VAV3: variants seen among roughly 807,000 people sequenced by gnomAD.
VAV3 encodes vav guanine nucleotide exchange factor 3.
VAV3 carries 94 observed loss-of-function variants against 131.2 expected under a neutral mutation model. That is an observed-to-expected ratio of 0.72 (90% CI 0.61 to 0.85). The LOEUF (loss-of-function observed/expected upper bound fraction) is 0.85. Among genes scored for constraint, VAV3 ranks in the 40% least tolerant of loss-of-function variants. VAV3 has a pLI of 0.00. For synonymous variants in VAV3, 349 were observed against 342.0 expected, an observed-to-expected ratio of 1.02 and a Z score of -0.22; for missense variants, 939 against 1,002.7, an observed-to-expected ratio of 0.94 and a Z score of 0.86.
chr1:107,821,110 T>A (rs1667774581), intron 2 of VAV3, among the ~76,000 whole-genome samples: 1 of 152,212 alleles, frequency 6.6e-6, no homozygotes, highest in Non-Finnish European at 1.5e-5. Context: ...TATAGAAACA[T>A]TACTAATCTT....
chr1:107,953,973 C>A (rs1674678492), intron 1 of VAV3, among the ~76,000 whole-genome samples: 2 of 152,168 alleles, frequency 1.3e-5, no homozygotes, highest in Non-Finnish European at 2.9e-5. Flanking sequence ...AAAGCACATT[C>A]AGACAGCAGC....
intron 19 of VAV3, among the ~76,000 whole-genome samples, chr1:107,643,087 T>C (rs1244638181): frequency 6.6e-6 from 1 of 152,150 alleles, no homozygotes. Context: ...AAAGAATCAA[T>C]TTTTTCATCA....
At chr1:107,841,333 T>C (rs1221192050) in intron 2 of VAV3, among the ~76,000 whole-genome samples, 1 of 152,108 alleles carries the variant, frequency 6.6e-6, no homozygotes, top group Non-Finnish European at 1.5e-5. Context: ...ATAAATGGTA[T>C]ATCAGCTGTA....
rs1411844531 is a variant in VAV3, at chr1:107,690,564, T to C, written c.1706-2158A>G. ...TGGGAACAAACTAGACTTAGCTGTC[T>C]ACCTTACTTAGCTATCCCTCCTTTA... is the stretch of plus-strand genomic sequence containing the variant. On this transcript the variant is annotated intron_variant, in intron 17 of 26. Coordinates refer to ENST00000370056, the MANE Select transcript of VAV3 (RefSeq NM_006113.5). 5.3e-5 allele frequency among the ~76,000 whole-genome samples: 8 copies of C among 152,292 alleles called. No individual in the cohort carries two copies. In the East Asian group the frequency reaches 1.5e-3, roughly 29 times the overall value.
intron 2 of VAV3, among the ~76,000 whole-genome samples, chr1:107,801,297 C>T (rs1666817295): frequency 6.6e-6 from 1 of 152,062 alleles, no homozygotes; most frequent in African/African-American, 2.4e-5. Flanking sequence ...TATTCAAGGT[C>T]ATTTGGGGTT....
chr1:107,914,127 T>C (rs1290904584), intron 1 of VAV3, among the ~76,000 whole-genome samples: 1 of 152,182 alleles, frequency 6.6e-6, no homozygotes, highest in Non-Finnish European at 1.5e-5. Context: ...ATTGTTTATA[T>C]ACAAACATAC....
chr1:107,887,732 C>A (rs1671105636), intron 1 of VAV3, among the ~76,000 whole-genome samples: 1 of 152,104 alleles, frequency 6.6e-6, no homozygotes, highest in African/African-American at 2.4e-5. Flanking sequence ...CACTACGATA[C>A]CCCAACCCAT....
At chr1:107,807,813 C>A (rs1432093606) in intron 2 of VAV3, among the ~76,000 whole-genome samples, 1 of 152,110 alleles carries the variant, frequency 6.6e-6, no homozygotes, top group Non-Finnish European at 1.5e-5. Context: ...CTTGTTAGAT[C>A]TTTTTTCCTA....
intron 2 of VAV3, among the ~76,000 whole-genome samples, chr1:107,783,179 C>T (rs989187812): frequency 1.3e-5 from 2 of 152,150 alleles, no homozygotes; most frequent in Admixed American, 1.3e-4. Context: ...TGCAAATCTG[C>T]TTTAGAAGGG....
chr1:107,851,574 C>A (rs919743035), intron 2 of VAV3, among the ~76,000 whole-genome samples: 5 of 152,098 alleles, frequency 3.3e-5, no homozygotes, highest in Admixed American at 6.6e-5. Flanking sequence ...TCACCACATA[C>A]CCTACACTTG....
intron 2 of VAV3, among the ~76,000 whole-genome samples, chr1:107,841,601 G>C (rs368078011): frequency 8.2e-4 from 125 of 152,214 alleles, no homozygotes; most frequent in African/African-American, 2.7e-3. Context: ...AAAACACAAA[G>C]TAAAAGCATT....
At chr1:107,770,165 C>A (rs915513474) in intron 6 of VAV3, among the ~76,000 whole-genome samples, 1 of 152,092 alleles carries the variant, frequency 6.6e-6, no homozygotes, top group Non-Finnish European at 1.5e-5. Flanking sequence ...GGGGCTCTCT[C>A]GGGAATGATC....
intron 19 of VAV3, among the ~76,000 whole-genome samples, chr1:107,649,315 G>A (rs531186327): frequency 1.3e-5 from 2 of 152,194 alleles, no homozygotes; most frequent in South Asian, 2.1e-4. Context: ...GGCTGAAGAG[G>A]AGGCCAAGAG....
intron 17 of VAV3, among the ~76,000 whole-genome samples, chr1:107,699,429 C>A (rs1160328862): frequency 6.6e-6 from 1 of 152,234 alleles, no homozygotes; most frequent in Non-Finnish European, 1.5e-5. Context: ...GGTACAGCCC[C>A]CCTCCTGGCT....
intron 17 of VAV3, among the ~76,000 whole-genome samples, chr1:107,693,898 T>C (rs1218154125): frequency 6.6e-6 from 1 of 152,124 alleles, no homozygotes; most frequent in Non-Finnish European, 1.5e-5. Flanking sequence ...GTGACTAGTT[T>C]CAGCCAATGG....
intron 10 of VAV3, among the ~76,000 whole-genome samples, chr1:107,759,016 C>T (rs974124065): frequency 6.6e-6 from 1 of 152,208 alleles, no homozygotes; most frequent in Non-Finnish European, 1.5e-5. Context: ...GAGGCCTCTA[C>T]TCAGGTCCCC....
intron 15 of VAV3, among the ~76,000 whole-genome samples, chr1:107,729,307 C>T (rs939091912): frequency 1.3e-5 from 2 of 152,136 alleles, no homozygotes; most frequent in East Asian, 1.9e-4. Context: ...TTCTGACCAA[C>T]AAGTCATTAG....
At chr1:107,892,854 T>A (rs1671377487) in intron 1 of VAV3, among the ~76,000 whole-genome samples, 1 of 152,140 alleles carries the variant, frequency 6.6e-6, no homozygotes, top group Admixed American at 6.5e-5. Flanking sequence ...CCCATCCCTA[T>A]AACCATTTTA....
intron 2 of VAV3, among the ~76,000 whole-genome samples, chr1:107,843,084 T>C (rs1272776161): frequency 6.6e-6 from 1 of 152,044 alleles, no homozygotes; most frequent in Non-Finnish European, 1.5e-5. Context: ...CCCTTCCCAA[T>C]AGTTTGGCTG....
Sources: allele counts gnomAD v4.1 joint callset (sites outside exome capture counted in the v4.1 genomes callset), GRCh38; gene constraint gnomAD v4.1.1; transcripts MANE v1.5; gene names NCBI Gene and HGNC (gene_info 2026-07-23, HGNC 2026-07-21).